The following ENOX1 variants were observed in gnomAD, a reference collection of about 807,000 sequenced individuals.
ENOX1 encodes candidate growth-related and time keeping constitutive hydroquinone (NADH) oxidase.
ENOX1 carries 42 observed loss-of-function variants against 82.5 expected under a neutral mutation model. The ratio of observed to expected loss-of-function variants is 0.51; its 90% CI spans 0.40 to 0.66. The LOEUF is 0.66. ENOX1 is among the 30% of genes least tolerant of loss of function. The pLI, the probability that ENOX1 is intolerant of heterozygous loss-of-function variation, is 0.00. For synonymous variants in ENOX1, 271 were observed against 282.2 expected (o/e 0.96, Z 0.40); for missense variants, 608 against 811.6 (o/e 0.75, Z 3.05).
chr13:43,338,464 A>G (rs902585791), intron 9 of ENOX1, among the ~76,000 whole-genome samples: 7 of 152,094 alleles, frequency 4.6e-5, no homozygotes, highest in African/African-American at 1.7e-4. Context: ...AAGATGATTT[A>G]CCTGTTCCGA....
chr13:43,359,473 C>T (rs887202641), intron 7 of ENOX1, among the ~76,000 whole-genome samples: 2 of 152,216 alleles, frequency 1.3e-5, no homozygotes, highest in Admixed American at 1.3e-4. Flanking sequence ...CCTTGGTGTC[C>T]AGAAAGTGAA....
At chr13:43,444,371 G>A (rs932611452) in intron 3 of ENOX1, among the ~76,000 whole-genome samples, 2 of 152,206 alleles carry the variant, frequency 1.3e-5, no homozygotes, top group African/African-American at 4.8e-5. Context: ...GGTGAAGGCT[G>A]AGCTGCAGGC....
chr13:43,534,218 G>A (rs2078354400), intron 2 of ENOX1, among the ~76,000 whole-genome samples: 1 of 152,044 alleles, frequency 6.6e-6, no homozygotes. Context: ...AACCCACTTG[G>A]GTCCTTAACC....
At chr13:43,545,562 G>A (rs1292547069) in intron 2 of ENOX1, 1 of 152,310 alleles carries the variant, frequency 6.6e-6, no homozygotes, top group Non-Finnish European at 1.5e-5. Context: ...GGGGTCGGTG[G>A]GGAGTGTGGA....
intron 14 of ENOX1, among the ~76,000 whole-genome samples, chr13:43,238,035 A>AAGGT (rs2042634342): frequency 6.6e-6 from 1 of 152,240 alleles, no homozygotes; most frequent in Non-Finnish European, 1.5e-5. Flanking sequence ...GAAAATGGAT[A>AAGGT]AGGTAAAGAA....
At chr13:43,666,866 T>A (rs1205338473) in intron 2 of ENOX1, among the ~76,000 whole-genome samples, 5 of 152,164 alleles carry the variant, frequency 3.3e-5, no homozygotes, top group Non-Finnish European at 7.3e-5. Context: ...GTCATCCACG[T>A]CAGTTCTATA....
intron 14 of ENOX1, among the ~76,000 whole-genome samples, chr13:43,261,977 CTT>C (rs1491441281): frequency 2.0e-5 from 3 of 150,966 alleles, no homozygotes; most frequent in African/African-American, 7.3e-5. Flanking sequence ...TACCCTAAAA[CTT>C]AAAGTATAAT....
chr13:43,596,137 T>TA (rs971328519), intron 2 of ENOX1, among the ~76,000 whole-genome samples: 5 of 152,164 alleles, frequency 3.3e-5, no homozygotes, highest in African/African-American at 1.2e-4. Flanking sequence ...TGCTAAAGAT[T>TA]AAAAAAATGA....
chr13:43,226,739 C>T (rs1349071394), intron 15 of ENOX1, among the ~76,000 whole-genome samples: 2 of 152,144 alleles, frequency 1.3e-5, no homozygotes, highest in Admixed American at 1.3e-4. Context: ...TGAGGGGGTG[C>T]TCCTAGTCGG....
intron 3 of ENOX1, among the ~76,000 whole-genome samples, chr13:43,423,570 G>C (rs1241116841): frequency 6.6e-6 from 1 of 152,210 alleles, no homozygotes; most frequent in Non-Finnish European, 1.5e-5. Context: ...CTCAGCTAGT[G>C]ATGGGTGTGG....
chr13:43,482,773 C>T (rs774014461), intron 3 of ENOX1, among the ~76,000 whole-genome samples: 14 of 152,108 alleles, frequency 9.2e-5, no homozygotes, highest in Admixed American at 7.9e-4. Context: ...TAGGGAGGAG[C>T]ATTTAGGTAA....
At chr13:43,528,861 C>T (rs1329251378) in intron 2 of ENOX1, among the ~76,000 whole-genome samples, 1 of 151,980 alleles carries the variant, frequency 6.6e-6, no homozygotes, top group Non-Finnish European at 1.5e-5. Context: ...TTTCATCATG[C>T]TGGGAAAGTG....
intron 2 of ENOX1, among the ~76,000 whole-genome samples, chr13:43,597,007 G>A (rs548330367): frequency 2.6e-5 from 4 of 152,268 alleles, no homozygotes; most frequent in African/African-American, 9.6e-5. Flanking sequence ...AGTTCCACAC[G>A]CTTAACAGGA....
At chr13:43,552,430 T>C (rs2079240456) in intron 2 of ENOX1, among the ~76,000 whole-genome samples, 1 of 152,136 alleles carries the variant, frequency 6.6e-6, no homozygotes, top group African/African-American at 2.4e-5. Context: ...CCTTAGCTTA[T>C]TCCCTCCCTT....
rs531107269 is a variant in ENOX1 at position 43,374,744 on chromosome 13, C to G, written c.209-13292G>C. The stretch of plus-strand genomic sequence containing the variant: ...AAGCTGGTCCTCATTATATCTCCAC[C>G]AGATTCTTCCTCCTCCACAGATGAA... On this transcript the variant is annotated intron_variant, in intron 5 of 16. Coordinates refer to ENST00000690772, the MANE Select transcript of ENOX1 (RefSeq NM_001347969.2). 3.3e-5 allele frequency among the ~76,000 whole-genome samples: 5 copies of G among 152,250 alleles called. No individual in the cohort carries two copies. The South Asian group carries it at 1.0e-3, about 32-fold the overall frequency.
chr13:43,663,850 A>G (rs974963556), intron 2 of ENOX1, among the ~76,000 whole-genome samples: 1 of 152,234 alleles, frequency 6.6e-6, no homozygotes, highest in African/African-American at 2.4e-5. Context: ...TAGATGAAAG[A>G]GAATTCCAAG....
chr13:43,474,056 C>T (rs925120448), intron 3 of ENOX1, among the ~76,000 whole-genome samples: 12 of 152,100 alleles, frequency 7.9e-5, no homozygotes, highest in Admixed American at 7.9e-4. Context: ...ATTAAGTTTA[C>T]CACTGGCTTA....
At chr13:43,295,512 T>A (rs2046239925) in intron 12 of ENOX1, among the ~76,000 whole-genome samples, 1 of 152,162 alleles carries the variant, frequency 6.6e-6, no homozygotes, top group Admixed American at 6.5e-5. Context: ...GAAAGAAAGG[T>A]TAGAAAATTT....
chr13:43,292,327 A>AAGAT (rs1307540912), intron 12 of ENOX1, among the ~76,000 whole-genome samples: 1 of 152,216 alleles, frequency 6.6e-6, no homozygotes, highest in Non-Finnish European at 1.5e-5. Context: ...GGAAGGATCA[A>AAGAT]AGATAAAGTT....
Sources: gnomAD v4.1 joint callset for allele counts (sites outside exome capture counted in the v4.1 genomes callset) on GRCh38, gnomAD v4.1.1 for gene constraint, MANE v1.5 for transcripts, NCBI Gene and HGNC (gene_info 2026-07-23, HGNC 2026-07-21) for gene names.